Variants in VPS13D observed in about 807,000 individuals in gnomAD.
The protein encoded by VPS13D is vacuolar protein sorting 13 homolog D.
In VPS13D, 187 loss-of-function variants were observed where a neutral mutation model predicts 461.9. The ratio of observed to expected loss-of-function variants is 0.40; its 90% CI spans 0.36 to 0.46. VPS13D has a LOEUF of 0.46. Among genes scored for constraint, VPS13D ranks in the 20% least tolerant of loss-of-function variants. The pLI is 0.60. For synonymous variants in VPS13D, 1,951 were observed against 1,986.3 expected, an observed-to-expected ratio of 0.98 and a Z score of 0.47; for missense variants, 4,711 against 5,364.9, an observed-to-expected ratio of 0.88 and a Z score of 3.81.
intron 30 of VPS13D, among the ~76,000 whole-genome samples, chr1:12,315,018 T>A (rs758258861): frequency 3.3e-5 from 5 of 152,224 alleles, no homozygotes; most frequent in Non-Finnish European, 7.3e-5. Flanking sequence ...CTTGGCACAG[T>A]TGGCAGCTGT....
chr1:12,260,379 C>T (rs1242026887), intron 10 of VPS13D, among the ~76,000 whole-genome samples: 1 of 152,128 alleles, frequency 6.6e-6, no homozygotes, highest in Non-Finnish European at 1.5e-5. Flanking sequence ...CCTCTCCATT[C>T]ACCATTCATC....
rs1363380673 is a variant in VPS13D, at chr1:12,267,897, C to T, written c.1778C>T (p.Ala593Val). Residue 593 changes from alanine (A) to valine (V), a missense_variant, in exon 15 of 70, where the codon GCA (alanine) becomes GTA (valine). Ala to Val is a moderately conservative substitution (Grantham distance 64). Coordinates refer to ENST00000620676, the MANE Select transcript of VPS13D (RefSeq NM_015378.4). The part of the protein sequence containing the change: ...SQSFGLQTTS[A>V]DRSDHYPAAD... The stretch of plus-strand genomic sequence containing the variant: ...TCTTTTGGTCTACAAACTACATCTG[C>T]AGACAGAAGTGATCATTACCCAGGT... 6.2e-7 allele frequency: 1 copy of T among 1,614,036 alleles called. No homozygotes were observed. The highest frequency in any genetic ancestry group is 8.5e-7 in the Non-Finnish European group (1 of 1,179,932).
intron 60 of VPS13D, among the ~76,000 whole-genome samples, chr1:12,395,895 A>G (rs750674458): frequency 2.7e-5 from 4 of 150,346 alleles, no homozygotes; most frequent in African/African-American, 4.9e-5. Flanking sequence ...CCCAAAGCCA[A>G]TGAAAGAACT....
Position 12,330,661 on chromosome 1 carries a change from A to C in VPS13D, c.8287+743A>C, listed in dbSNP as rs1375898264. On this transcript the variant is annotated intron_variant, in intron 37 of 69. Coordinates refer to ENST00000620676, the MANE Select transcript of VPS13D (RefSeq NM_015378.4). ...CGGCTCACTGCAACTTCTGCCTCCAAGTTCAAGTGATTCCCCTGCCTCAGC... is the reference window on the plus strand; with the variant it reads ...CGGCTCACTGCAACTTCTGCCTCCACGTTCAAGTGATTCCCCTGCCTCAGC... Among the ~76,000 whole-genome samples, 5 of 151,962 alleles carry C rather than the reference A, an allele frequency of 3.3e-5. No homozygotes were observed. In the East Asian group the frequency reaches 9.8e-4, roughly 30 times the overall value.
At position 12,234,253 on chromosome 1, in the gene VPS13D, C is replaced by T. The variant is rs59540264; in HGVS notation, c.-14C>T. 6.9e-6 allele frequency: 11 copies of T among 1,585,520 alleles called. No homozygotes were observed. The East Asian group carries it at 2.5e-4, about 35-fold the overall frequency. ...ATCCATGATTTCTAAACACCTTTTC[C>T]TGAGGATATAGTCATGTTGGAAGGC... On this transcript the variant is annotated 5_prime_UTR_variant, in exon 2 of 70. Coordinates refer to ENST00000620676, the MANE Select transcript of VPS13D (RefSeq NM_015378.4).
rs377688487 is a variant in VPS13D, at chr1:12,283,356, G to C, written c.5254G>C (p.Glu1752Gln). The change falls in exon 21 of 70, where the codon GAA becomes CAA. Residue 1752 changes from glutamate to glutamine, a missense_variant. Physicochemically the swap from Glu to Gln is conservative, Grantham distance 29. Transcript: ENST00000620676. ...PTSASRKKQK[E>Q]VQDKDYPLTP... The stretch of plus-strand genomic sequence containing the variant: ...CTCTGCGTCCCGGAAAAAGCAAAAG[G>C]AAGTCCAAGACAAGGACTATCCCTT... 11 of 1,613,944 alleles carry C rather than the reference G, an allele frequency of 6.8e-6. No homozygotes were observed. The highest frequency in any genetic ancestry group is 7.6e-6 in the Non-Finnish European group (9 of 1,180,016).
intron 2 of VPS13D, among the ~76,000 whole-genome samples, chr1:12,239,150 T>A (rs1017469332): frequency 6.6e-6 from 1 of 152,090 alleles, no homozygotes; most frequent in African/African-American, 2.4e-5. Flanking sequence ...TCTTTTTTCT[T>A]TTTTTGGAGA....
In VPS13D at chr1:12,327,861, G is replaced by A; in HGVS notation, c.8197+7G>A. ...GCTGAACTCACCTTTTCCCGTGAGT[G>A]TTGTACTGGTTTTCAGATTCATCTT... On this transcript the variant is annotated splice_region_variant and intron_variant, in intron 36 of 69. Transcript: ENST00000620676. The A allele has an allele frequency of 6.2e-7, 1 of 1,611,974 alleles. No homozygotes were observed. Among genetic ancestry groups the A allele is most frequent in the African/African-American group, 1.3e-5 (1 of 74,722 alleles).
intron 68 of VPS13D, among the ~76,000 whole-genome samples, chr1:12,506,457 G>A (rs1646108308): frequency 6.6e-6 from 1 of 152,198 alleles, no homozygotes; most frequent in South Asian, 2.1e-4. Flanking sequence ...GTCTCTTCAT[G>A]GCGTGCCATT....
intron 6 of VPS13D, among the ~76,000 whole-genome samples, chr1:12,251,246 G>C (rs1400529794): frequency 2.0e-5 from 3 of 152,218 alleles, no homozygotes; most frequent in Admixed American, 6.5e-5. Flanking sequence ...GCTCCTGCCT[G>C]CCACACTGAT....
chr1:12,495,456 C>T lies in VPS13D; in HGVS notation c.12663-2044C>T, dbSNP rs1291761431. Among the ~76,000 whole-genome samples, 1 of 152,198 alleles carries T rather than the reference C, an allele frequency of 6.6e-6. No individual in the cohort carries two copies. The highest frequency in any genetic ancestry group is 2.4e-5 in the African/African-American group (1 of 41,446). ...TACAGGCGTGAGCCACTGCGCCCGG[C>T]CGATGTAACATCTTTTGAAAGGGCC... On this transcript the variant is annotated intron_variant, in intron 67 of 69. Coordinates refer to ENST00000620676, the MANE Select transcript of VPS13D (RefSeq NM_015378.4). The surrounding 1 kb of genome is among the most constrained non-coding windows in gnomAD (Gnocchi z 4.0).
chr1:12,415,700 T>C (rs1644785006), intron 64 of VPS13D, among the ~76,000 whole-genome samples: 1 of 152,220 alleles, frequency 6.6e-6, no homozygotes, highest in African/African-American at 2.4e-5. Context: ...CTTCAATGAA[T>C]AGATAGGTCA....
At chr1:12,455,884 A>C (rs985840503) in intron 65 of VPS13D, 114 bp from the exon 66 acceptor site, 21 of 1,332,284 alleles carry the variant, frequency 1.6e-5, no homozygotes, top group Non-Finnish European at 2.0e-5. Context: ...ACACCACTAC[A>C]GACCAGCATG....
In VPS13D at chr1:12,305,963, T is replaced by A. The variant is rs182264170; in HGVS notation, c.6439+1235T>A. Among the ~76,000 whole-genome samples, 652 of 152,124 alleles carry A rather than the reference T, an allele frequency of 4.3e-3. 3 individuals are homozygous for A. The highest frequency in any genetic ancestry group is 6.9e-3 in the Non-Finnish European group (469 of 67,970). On this transcript the variant is annotated intron_variant, in intron 26 of 69. Coordinates refer to ENST00000620676, the MANE Select transcript of VPS13D (RefSeq NM_015378.4). The stretch of plus-strand genomic sequence containing the variant: ...ACATTACACTCCTGCAGGGTTTTTA[T>A]TTTTCTATTTTTATTTTTATTTTTA...
At chr1:12,368,334 C>T in intron 52 of VPS13D, 134 bp from the exon 53 acceptor site, 1 of 1,036,036 alleles carries the variant, frequency 9.7e-7, no homozygotes, top group Non-Finnish European at 1.4e-6. Flanking sequence ...TGGAGGAACA[C>T]ACAGTGGGCT....
In VPS13D at chr1:12,509,010, G is replaced by T. The variant is rs187628393; in HGVS notation, c.13153G>T (p.Glu4385Ter). 1.2e-6 allele frequency: 2 copies of T among 1,614,160 alleles called. No individual in the cohort carries two copies. The highest frequency in any genetic ancestry group is 1.3e-5 in the African/African-American group (1 of 75,052). ...ACTCAGCGAAAACCGAGAGCAGCTGGAGCTGGACTCCTGAAGCCCCGCTGC... is the reference window on the plus strand; with the variant it reads ...ACTCAGCGAAAACCGAGAGCAGCTGTAGCTGGACTCCTGAAGCCCCGCTGC... ...LRLSENREQLELDS is the reference protein window; with the variant it reads ...LRLSENREQL Residue 4385 changes from glutamate to a stop codon, truncating the protein, a stop_gained, in exon 70 of 70, where the codon GAG (glutamate) becomes TAG (stop). Transcript: ENST00000620676. LOFTEE classifies it high-confidence loss of function.
At chr1:12,462,461 C>T (rs1052090003) in intron 67 of VPS13D, among the ~76,000 whole-genome samples, 1 of 152,226 alleles carries the variant, frequency 6.6e-6, no homozygotes, top group African/African-American at 2.4e-5. Context: ...TGTGCCTCCA[C>T]GTGTGGAATC....
intron 35 of VPS13D, among the ~76,000 whole-genome samples, chr1:12,326,221 A>G (rs1440220291): frequency 1.8e-5 from 2 of 110,394 alleles, no homozygotes; most frequent in Non-Finnish European, 3.8e-5. Context: ...AATTAATTTT[A>G]TACCCCTTAA....
At chr1:12,451,077 G>A (rs1443482885) in intron 65 of VPS13D, among the ~76,000 whole-genome samples, 1 of 152,238 alleles carries the variant, frequency 6.6e-6, no homozygotes, top group Non-Finnish European at 1.5e-5. Flanking sequence ...GCTTGCTGAA[G>A]ATCATAAAAG....
Sources: gnomAD v4.1 joint callset for allele counts (sites outside exome capture counted in the v4.1 genomes callset) on GRCh38, gnomAD v4.1.1 for gene constraint, Gnocchi (gnomAD v3.1) non-coding constraint, MANE v1.5 for transcripts, NCBI Gene and HGNC (gene_info 2026-07-23, HGNC 2026-07-21) for gene names.